Variants in IL1RAPL2 observed in about 807,000 individuals in gnomAD.
The protein encoded by IL1RAPL2 is interleukin 1 receptor accessory protein like 2.
Under a neutral mutation model 44.1 loss-of-function variants are expected in IL1RAPL2, and 3 were observed. That is an observed-to-expected ratio of 0.07 (90% CI 0.03 to 0.18). The LOEUF (loss-of-function observed/expected upper bound fraction) is 0.18, where lower values mean the gene tolerates loss of function less well. IL1RAPL2 is among the 10% of genes least tolerant of loss of function. IL1RAPL2 has a pLI of 1.00. For synonymous variants in IL1RAPL2, 181 were observed against 178.8 expected, an observed-to-expected ratio of 1.01 and a Z score of -0.10; for missense variants, 391 against 496.4, an observed-to-expected ratio of 0.79 and a Z score of 2.02.
chrX:105,479,755 T>TAATAAAATAA lies in IL1RAPL2; in HGVS notation c.698-4538_698-4529dup, dbSNP rs749634925. 5.4e-3 allele frequency among the ~76,000 whole-genome samples: 571 copies of TAATAAAATAA among 105,392 alleles called. 10 individuals carry two copies. Among genetic ancestry groups the TAATAAAATAA allele is most frequent in the African/African-American group, 0.018 (510 of 28,780 alleles). 91.5% of individuals were successfully genotyped at this position (105,392 alleles called of 115,157 possible). ...ACTACATCTCAAAAAATAAATAAAA[T>TAATAAAATAA]AATAAAATAAAATAAAATAAAATAA... On this transcript the variant is annotated intron_variant, in intron 5 of 10. Coordinates refer to ENST00000372582, the MANE Select transcript of IL1RAPL2 (RefSeq NM_017416.2).
chrX:104,635,388 C>G (rs1429617331), intron 1 of IL1RAPL2, among the ~76,000 whole-genome samples: 1 of 110,870 alleles, frequency 9.0e-6, no homozygotes, highest in Non-Finnish European at 1.9e-5. Flanking sequence ...GAACGTTGGC[C>G]TGCCTTGCTA....
At chrX:105,224,642 A>G (rs2033997587) in intron 3 of IL1RAPL2, among the ~76,000 whole-genome samples, 1 of 112,175 alleles carries the variant, frequency 8.9e-6, no homozygotes, top group Non-Finnish European at 1.9e-5. Flanking sequence ...TCATATGTAA[A>G]GAAAACTCTG....
chrX:104,669,570 C>G (rs932637972), intron 2 of IL1RAPL2, among the ~76,000 whole-genome samples: 1 of 111,729 alleles, frequency 9.0e-6, no homozygotes, highest in Non-Finnish European at 1.9e-5. Flanking sequence ...ACCCAGGGAG[C>G]TTTTAAACCA....
chrX:104,846,311 A>G (rs1470724295), intron 2 of IL1RAPL2, among the ~76,000 whole-genome samples: 1 of 110,007 alleles, frequency 9.1e-6, no homozygotes, highest in Admixed American at 9.7e-5. Flanking sequence ...CTCATCATTT[A>G]CATTAGGCAT....
At chrX:105,241,108 T>C (rs1164576775) in intron 4 of IL1RAPL2, among the ~76,000 whole-genome samples, 1 of 111,650 alleles carries the variant, frequency 9.0e-6, no homozygotes, top group African/African-American at 3.3e-5. Context: ...CCATGTAACT[T>C]AATATATCAA....
At chrX:105,477,789 G>A (rs916955536) in intron 5 of IL1RAPL2, among the ~76,000 whole-genome samples, 3 of 111,537 alleles carry the variant, frequency 2.7e-5, no homozygotes, top group African/African-American at 9.8e-5. Context: ...CGCACTTTCG[G>A]ACAAAGAGCC....
intron 2 of IL1RAPL2, among the ~76,000 whole-genome samples, chrX:104,736,307 C>G (rs926491200): frequency 3.6e-5 from 4 of 112,067 alleles, no homozygotes; most frequent in African/African-American, 6.5e-5. Context: ...AGGCTATTGG[C>G]AAGGCAGTGC....
intron 1 of IL1RAPL2, among the ~76,000 whole-genome samples, chrX:104,640,781 G>C (rs752305204): frequency 8.9e-6 from 1 of 112,310 alleles, no homozygotes; most frequent in African/African-American, 3.2e-5. Context: ...TAATGCCTGT[G>C]ATTTCCTTAG....
chrX:104,901,549 C>A (rs1263641953), intron 2 of IL1RAPL2, among the ~76,000 whole-genome samples: 4 of 110,349 alleles, frequency 3.6e-5, no homozygotes, highest in African/African-American at 1.3e-4. Flanking sequence ...ATTTTAAGAG[C>A]CTGGCAGGCT....
chrX:105,449,634 C>G (rs1270219531), intron 5 of IL1RAPL2, among the ~76,000 whole-genome samples: 1 of 109,569 alleles, frequency 9.1e-6, no homozygotes, highest in Non-Finnish European at 1.9e-5. Context: ...GTAGTCCCAG[C>G]TACTCAGGAG....
rs143195921 is a variant in IL1RAPL2, at chrX:104,740,677, C to A, written c.82+81682C>A. 8.5e-3 allele frequency among the ~76,000 whole-genome samples: 946 copies of A among 110,913 alleles called. 9 individuals are homozygous for A. The highest frequency in any genetic ancestry group is 0.029 in the African/African-American group (904 of 30,709). On this transcript the variant is annotated intron_variant, in intron 2 of 10. Coordinates refer to ENST00000372582, the MANE Select transcript of IL1RAPL2 (RefSeq NM_017416.2). Reference sequence around the variant, plus strand: ...TATTTATCGGGGAAACTCAACTCTACGTTTGATTGGCCTTGGCTTTATTCA... The same window carrying A: ...TATTTATCGGGGAAACTCAACTCTAAGTTTGATTGGCCTTGGCTTTATTCA...
chrX:105,447,455 A>G (rs1254437678), intron 5 of IL1RAPL2, among the ~76,000 whole-genome samples: 2 of 74,539 alleles, frequency 2.7e-5, no homozygotes, highest in Non-Finnish European at 4.5e-5. Flanking sequence ...AAATATAAAT[A>G]AACATAAATA....
chrX:104,909,282 G>A (rs1236636708), intron 2 of IL1RAPL2, among the ~76,000 whole-genome samples: 1 of 111,284 alleles, frequency 9.0e-6, no homozygotes, highest in African/African-American at 3.3e-5. Flanking sequence ...CTTTGCCTTT[G>A]GTTTGAATGT....
intron 7 of IL1RAPL2, among the ~76,000 whole-genome samples, chrX:105,721,895 G>A (rs964022115): frequency 1.8e-5 from 2 of 112,182 alleles, no homozygotes; most frequent in Non-Finnish European, 3.8e-5. Context: ...CTTCATAGAA[G>A]TGCCAACAAA....
intron 2 of IL1RAPL2, among the ~76,000 whole-genome samples, chrX:105,119,669 C>T (rs1199370583): frequency 9.0e-6 from 1 of 111,322 alleles, no homozygotes. Flanking sequence ...TGGCTTTTGC[C>T]AGTCAACAAT....
At chrX:105,321,777 A>C (rs779784792) in intron 5 of IL1RAPL2, among the ~76,000 whole-genome samples, 1 of 112,818 alleles carries the variant, frequency 8.9e-6, no homozygotes, top group Non-Finnish European at 1.9e-5. Flanking sequence ...AACATGATAC[A>C]TAGGGTTACT....
At chrX:104,983,338 C>A (rs1489071758) in intron 2 of IL1RAPL2, among the ~76,000 whole-genome samples, 1 of 96,607 alleles carries the variant, frequency 1.0e-5, no homozygotes, top group East Asian at 3.1e-4. Flanking sequence ...ATAGAAAATG[C>A]TATATATATA....
chrX:105,595,496 A>T (rs186133089), intron 6 of IL1RAPL2, among the ~76,000 whole-genome samples: 2 of 111,922 alleles, frequency 1.8e-5, no homozygotes, highest in Admixed American at 1.9e-4. Context: ...ATAATGTCAT[A>T]GAGTTGCTTT....
At chrX:105,715,025 G>C (rs2038244887) in intron 6 of IL1RAPL2, among the ~76,000 whole-genome samples, 1 of 111,940 alleles carries the variant, frequency 8.9e-6, no homozygotes. Flanking sequence ...AAAGTAGCAT[G>C]CTCCAGTGTT....
Sources: allele counts gnomAD v4.1 joint callset (sites outside exome capture counted in the v4.1 genomes callset), GRCh38; gene constraint gnomAD v4.1.1; transcripts MANE v1.5; gene names NCBI Gene and HGNC (gene_info 2026-07-23, HGNC 2026-07-21).